Variants in ARB2A observed in about 807,000 individuals in gnomAD.
ARB2A encodes ARB2 cotranscriptional regulator A.
the ARB2A span, among the ~76,000 whole-genome samples, chr5:93,966,148 C>T: frequency 1.1e-3 from 170 of 152,064 alleles, 1 homozygote; most frequent in African/African-American, 3.8e-3. Context: ...TTATGACCTG[C>T]TGCTTTAAGA....
the ARB2A span, among the ~76,000 whole-genome samples, chr5:93,948,801 T>G: frequency 1.3e-5 from 2 of 152,314 alleles, no homozygotes; most frequent in Admixed American, 1.3e-4. Flanking sequence ...TTCAAACTCT[T>G]GTGCTAAAGT....
the ARB2A span, among the ~76,000 whole-genome samples, chr5:94,002,756 C>T: frequency 2.0e-5 from 3 of 150,954 alleles, no homozygotes; most frequent in Non-Finnish European, 4.4e-5. Context: ...CATTTTGTAA[C>T]TAAAAGAAAT....
At chr5:93,709,720 T>C in the ARB2A span, among the ~76,000 whole-genome samples, 2 of 151,778 alleles carry the variant, frequency 1.3e-5, no homozygotes, top group Non-Finnish European at 2.9e-5. Context: ...TTTATTGTGT[T>C]ACATAGAATA....
chr5:93,943,178 A>C, the ARB2A span, among the ~76,000 whole-genome samples: 13 of 152,268 alleles, frequency 8.5e-5, no homozygotes, highest in Admixed American at 7.8e-4. Flanking sequence ...AAATTTTGGA[A>C]GATATTACTA....
At chr5:94,002,154 T>C in the ARB2A span, among the ~76,000 whole-genome samples, 2 of 152,172 alleles carry the variant, frequency 1.3e-5, no homozygotes, top group Admixed American at 1.3e-4. Context: ...CCAGATTAGT[T>C]AGGCTCTGAT....
chr5:94,078,581 A>G, the ARB2A span, among the ~76,000 whole-genome samples: 1 of 152,130 alleles, frequency 6.6e-6, no homozygotes, highest in Non-Finnish European at 1.5e-5. Flanking sequence ...CCAGGGTAAT[A>G]AGGGCCCCTG....
the ARB2A span, among the ~76,000 whole-genome samples, chr5:94,067,960 T>A: frequency 6.6e-6 from 1 of 152,192 alleles, no homozygotes; most frequent in African/African-American, 2.4e-5. Context: ...ATAATATTAT[T>A]ATTTTAAAAA....
chr5:93,636,922 T>C, the ARB2A span, among the ~76,000 whole-genome samples: 1 of 152,260 alleles, frequency 6.6e-6, no homozygotes, highest in Non-Finnish European at 1.5e-5. Flanking sequence ...AGAGGTCTTG[T>C]GTTCCTTTTA....
the ARB2A span, among the ~76,000 whole-genome samples, chr5:93,820,475 T>A: frequency 1.3e-5 from 2 of 152,184 alleles, no homozygotes; most frequent in East Asian, 3.8e-4. Flanking sequence ...AAAATGACAG[T>A]TAATTTTCAA....
the ARB2A span, among the ~76,000 whole-genome samples, chr5:93,848,805 G>A: frequency 2.0e-5 from 3 of 152,172 alleles, no homozygotes; most frequent in Admixed American, 6.5e-5. Flanking sequence ...TAGTGACCTT[G>A]CTGGCGTCTA....
chr5:93,789,894 C>T, the ARB2A span, among the ~76,000 whole-genome samples: 6 of 152,192 alleles, frequency 3.9e-5, no homozygotes, highest in South Asian at 4.1e-4. Context: ...TAATGAAATA[C>T]ACACACTTCA....
At chr5:93,641,533 T>C in the ARB2A span, among the ~76,000 whole-genome samples, 1 of 152,318 alleles carries the variant, frequency 6.6e-6, no homozygotes, top group South Asian at 2.1e-4. Context: ...TCAATACTTT[T>C]GAGCCAACAA....
At chr5:93,740,490 G>T in the ARB2A span, 2 of 1,352,526 alleles carry the variant, frequency 1.5e-6, no homozygotes, top group African/African-American at 1.5e-5. Context: ...AATACTAAAA[G>T]CCCTCAAATG....
At chr5:93,898,609 C>A in the ARB2A span, among the ~76,000 whole-genome samples, 1 of 152,026 alleles carries the variant, frequency 6.6e-6, no homozygotes, top group Non-Finnish European at 1.5e-5. Flanking sequence ...TCGAAATCAA[C>A]CAAATTGCTA....
At chr5:93,798,301 C>T in the ARB2A span, among the ~76,000 whole-genome samples, 6 of 152,198 alleles carry the variant, frequency 3.9e-5, no homozygotes, top group Admixed American at 1.3e-4. Context: ...CCAGCACATA[C>T]TATGATCTAT....
At chr5:93,714,614 G>C in the ARB2A span, among the ~76,000 whole-genome samples, 1 of 152,102 alleles carries the variant, frequency 6.6e-6, no homozygotes, top group Non-Finnish European at 1.5e-5. Flanking sequence ...ATTCCACACA[G>C]GGTGATTGTT....
At chr5:93,623,791 G>A in the ARB2A span, among the ~76,000 whole-genome samples, 1 of 152,220 alleles carries the variant, frequency 6.6e-6, no homozygotes, top group Non-Finnish European at 1.5e-5. Flanking sequence ...GAATGGGGTG[G>A]AAGGGAGAGA....
the ARB2A span, among the ~76,000 whole-genome samples, chr5:94,100,517 A>T: frequency 6.6e-6 from 1 of 152,220 alleles, no homozygotes; most frequent in Admixed American, 6.5e-5. Context: ...TGGAGGTATC[A>T]TGTTACCCGA....
the ARB2A span, among the ~76,000 whole-genome samples, chr5:94,063,015 G>A: frequency 6.6e-6 from 1 of 152,200 alleles, no homozygotes; most frequent in Non-Finnish European, 1.5e-5. Flanking sequence ...TTTATCTATG[G>A]CTAGAGCCAC....
Sources: allele counts gnomAD v4.1 joint callset (sites outside exome capture counted in the v4.1 genomes callset), GRCh38; gene constraint gnomAD v4.1.1; transcripts MANE v1.5; gene names NCBI Gene and HGNC (gene_info 2026-07-23, HGNC 2026-07-21).